The following GALNT17 variants were observed in gnomAD, a reference collection of about 807,000 sequenced individuals.
The protein encoded by GALNT17 is polypeptide N-acetylgalactosaminyltransferase 17, also known as UDP-GalNAc:polypeptide N-acetylgalactosaminyltransferase-like 3.
In GALNT17, 29 loss-of-function variants were observed where a neutral mutation model predicts 63.7. That is an observed-to-expected ratio of 0.46 (90% CI 0.34 to 0.62). The LOEUF is 0.62. Ranked by LOEUF, GALNT17 falls within the 20% of genes least tolerant of loss-of-function variation. GALNT17 has a pLI of 0.01. For missense variants in GALNT17, 603 were observed against 799.6 expected, an observed-to-expected ratio of 0.75 and a Z score of 2.97; for synonymous variants, 305 against 318.3, an observed-to-expected ratio of 0.96 and a Z score of 0.45.
intron 5 of GALNT17, among the ~76,000 whole-genome samples, chr7:71,536,611 A>G (rs1254101361): frequency 1.3e-5 from 2 of 152,182 alleles, no homozygotes; most frequent in African/African-American, 4.8e-5. Context: ...AGACTTATTC[A>G]CTACCATGAG....
At chr7:71,292,664 A>T (rs1359369739) in intron 1 of GALNT17, among the ~76,000 whole-genome samples, 8 of 114,250 alleles carry the variant, frequency 7.0e-5, no homozygotes, top group African/African-American at 2.4e-4. Flanking sequence ...AGAGAGAGAG[A>T]GAGAGTGTGT....
chr7:71,701,767 ATATATATGTGTG>A, intron 9 of GALNT17, among the ~76,000 whole-genome samples: 3 of 130,042 alleles, frequency 2.3e-5, no homozygotes, highest in Non-Finnish European at 4.7e-5. Context: ...ATATATGTGT[ATATATATGTGTG>A]TGTGTATATA....
At chr7:71,617,084 TTATG>T (rs1325440644) in intron 6 of GALNT17, among the ~76,000 whole-genome samples, 2 of 147,920 alleles carry the variant, frequency 1.4e-5, no homozygotes, top group Non-Finnish European at 3.0e-5. Context: ...ATATATGTGA[TTATG>T]TATCAGTTAT....
chr7:71,705,598 G>A (rs1279140567), intron 9 of GALNT17, among the ~76,000 whole-genome samples: 1 of 152,192 alleles, frequency 6.6e-6, no homozygotes, highest in Non-Finnish European at 1.5e-5. Context: ...ATTCATAATA[G>A]CCAAAGAATG....
intron 5 of GALNT17, among the ~76,000 whole-genome samples, chr7:71,513,550 T>C (rs1353740143): frequency 1.3e-5 from 2 of 152,138 alleles, no homozygotes; most frequent in South Asian, 2.1e-4. Context: ...CATGCCTGGC[T>C]AAGTTTTGTA....
intron 9 of GALNT17, among the ~76,000 whole-genome samples, chr7:71,701,100 G>A (rs1791624655): frequency 6.6e-6 from 1 of 152,166 alleles, no homozygotes; most frequent in South Asian, 2.1e-4. Flanking sequence ...AAGATGATAG[G>A]TGTTTGCAGA....
At chr7:71,420,847 C>T (rs1042894714) in intron 4 of GALNT17, 61 bp from the exon 5 acceptor site, 1 of 1,587,760 alleles carries the variant, frequency 6.3e-7, no homozygotes, top group Non-Finnish European at 8.6e-7. Flanking sequence ...TCCGTGTGGT[C>T]TTGGGAGGTG....
intron 9 of GALNT17, among the ~76,000 whole-genome samples, chr7:71,679,395 TA>T (rs991049101): frequency 1.3e-5 from 2 of 150,692 alleles, no homozygotes; most frequent in East Asian, 1.9e-4. Flanking sequence ...CCTTGTCTCT[TA>T]AAAAAAGAAA....
intron 1 of GALNT17, among the ~76,000 whole-genome samples, chr7:71,308,916 G>C (rs1791359462): frequency 6.6e-6 from 1 of 151,922 alleles, no homozygotes. Flanking sequence ...GGTAATTTTT[G>C]TATGTTTAGT....
At chr7:71,433,606 A>G (rs1048052724) in intron 5 of GALNT17, among the ~76,000 whole-genome samples, 2 of 152,154 alleles carry the variant, frequency 1.3e-5, no homozygotes, top group Non-Finnish European at 1.5e-5. Context: ...TTGGTTCACA[A>G]TGGCCTGGAA....
At chr7:71,575,893 T>A (rs548325255) in intron 6 of GALNT17, among the ~76,000 whole-genome samples, 8 of 152,130 alleles carry the variant, frequency 5.3e-5, no homozygotes, top group African/African-American at 1.4e-4. Flanking sequence ...ACTAAAACAA[T>A]CAATACAGAA....
At chr7:71,416,100 C>T in intron 4 of GALNT17, 37 bp downstream of exon 4, 3 of 1,575,140 alleles carry the variant, frequency 1.9e-6, no homozygotes, top group Non-Finnish European at 2.6e-6. Flanking sequence ...TGCTCAAGAC[C>T]TGCATTGTGG....
intron 5 of GALNT17, among the ~76,000 whole-genome samples, chr7:71,496,660 C>A (rs909482273): frequency 4.6e-5 from 7 of 152,080 alleles, no homozygotes; most frequent in African/African-American, 1.4e-4. Context: ...ACCCTCTTTC[C>A]TGTCCTAAGC....
chr7:71,669,871 ATCTTCTATGTGAAGGTT>A, intron 7 of GALNT17, 84 bp from the exon 8 acceptor site: 2 of 1,476,604 alleles, frequency 1.4e-6, no homozygotes, highest in Non-Finnish European at 1.8e-6. Context: ...CAGGCTTAAG[ATCTTCTATGTGAAGGTT>A]TCCCTGAAAG....
At chr7:71,157,579 A>C (rs1788259891) in intron 1 of GALNT17, among the ~76,000 whole-genome samples, 1 of 151,712 alleles carries the variant, frequency 6.6e-6, no homozygotes, top group Non-Finnish European at 1.5e-5. Flanking sequence ...AATTGCTTGA[A>C]CTGGGGAGGC....
At chr7:71,329,750 C>T (rs749003400) in intron 1 of GALNT17, among the ~76,000 whole-genome samples, 5 of 151,918 alleles carry the variant, frequency 3.3e-5, no homozygotes, top group South Asian at 2.1e-4. Flanking sequence ...GAGGGAAATT[C>T]GACCCCATGA....
At chr7:71,600,009 A>G (rs1210998789) in intron 6 of GALNT17, among the ~76,000 whole-genome samples, 1 of 151,792 alleles carries the variant, frequency 6.6e-6, no homozygotes, top group Non-Finnish European at 1.5e-5. Context: ...GACATGGACA[A>G]ATATCCCCCA....
chr7:71,338,305 C>T (rs1423575340), intron 2 of GALNT17, among the ~76,000 whole-genome samples: 3 of 150,006 alleles, frequency 2.0e-5, no homozygotes, highest in East Asian at 1.9e-4. Flanking sequence ...CCTGCCTGGG[C>T]GAAAGAGCGA....
chr7:71,420,173 T>C (rs1786636137), intron 4 of GALNT17, among the ~76,000 whole-genome samples: 1 of 152,136 alleles, frequency 6.6e-6, no homozygotes, highest in Non-Finnish European at 1.5e-5. Context: ...TGTCTGGCCA[T>C]CTGCTGTCTC....
Sources: allele counts gnomAD v4.1 joint callset (sites outside exome capture counted in the v4.1 genomes callset), GRCh38; gene constraint gnomAD v4.1.1; transcripts MANE v1.5; gene names NCBI Gene and HGNC (gene_info 2026-07-23, HGNC 2026-07-21).